The following SGCD variants were observed in gnomAD, a reference collection of about 807,000 sequenced individuals.
The protein encoded by SGCD is sarcoglycan delta, also known as delta-sarcoglycan.
A neutral mutation model predicts 36.6 loss-of-function variants in SGCD; 18 were observed. That is an observed-to-expected ratio of 0.49 (90% confidence interval 0.34 to 0.73). SGCD has a LOEUF of 0.73. SGCD is among the 30% of genes least tolerant of loss of function. SGCD has a pLI of 0.01. For missense variants in SGCD, 387 were observed against 346.7 expected, an observed-to-expected ratio of 1.12 and a Z score of -0.92; for synonymous variants, 133 against 130.6, an observed-to-expected ratio of 1.02 and a Z score of -0.12.
rs148183101 is a variant in SGCD at position 156,540,809 on chromosome 5, A to G, written c.294+32107A>G. 4.5e-3 allele frequency among the ~76,000 whole-genome samples: 679 copies of G among 152,272 alleles called. 1 individual carries two copies. Among genetic ancestry groups the G allele is most frequent in the African/African-American group, 0.016 (654 of 41,558 alleles). On this transcript the variant is annotated intron_variant, in intron 4 of 8. Coordinates refer to ENST00000337851, the MANE Select transcript of SGCD (RefSeq NM_000337.6). ...TCCTGATTGATTTTGATGGCAGGCA[A>G]TTGACCACTTTTCCCACAAAGATGT...
rs182501091 is a variant in SGCD, at chr5:156,576,383, A to G, written c.295-12848A>G. 2.1e-4 allele frequency among the ~76,000 whole-genome samples: 32 copies of G among 152,316 alleles called. No individual in the cohort carries two copies. In the East Asian group the frequency reaches 4.2e-3, roughly 20 times the overall value. On this transcript the variant is annotated intron_variant, in intron 4 of 8. Transcript: ENST00000337851. ...TATTGTGAATAGTGCCGCAATAAAC[A>G]TACATGTGCGTGTGTCTTTATAGTA...
chr5:156,207,783 C>T (rs777810088), intron 3 of SGCD, among the ~76,000 whole-genome samples: 1 of 151,952 alleles, frequency 6.6e-6, no homozygotes, highest in Non-Finnish European at 1.5e-5. Context: ...AACAAGTGTT[C>T]TTTATCTACA....
At chr5:156,735,980 G>C (rs544123367) in intron 7 of SGCD, among the ~76,000 whole-genome samples, 7 of 152,320 alleles carry the variant, frequency 4.6e-5, no homozygotes, top group African/African-American at 1.7e-4. Flanking sequence ...GGGTTGCAAA[G>C]ATCCATGGGA....
At chr5:156,417,454 A>G (rs1227983159) in intron 3 of SGCD, among the ~76,000 whole-genome samples, 1 of 152,150 alleles carries the variant, frequency 6.6e-6, no homozygotes, top group Non-Finnish European at 1.5e-5. Context: ...ATTTTTAGAG[A>G]AAGACTTGAG....
intron 1 of SGCD, among the ~76,000 whole-genome samples, chr5:155,911,293 A>ATGTGTG (rs371986965): frequency 0.043 from 6,123 of 141,492 alleles, 164 homozygotes; most frequent in African/African-American, 0.066. Flanking sequence ...AGTATAGTAT[A>ATGTGTG]TGTGTGTGTG....
intron 3 of SGCD, among the ~76,000 whole-genome samples, chr5:156,259,495 G>A (rs1297000120): frequency 6.6e-6 from 1 of 150,738 alleles, no homozygotes; most frequent in African/African-American, 2.4e-5. Flanking sequence ...TTCCTTTATG[G>A]TTTCTATGTT....
intron 3 of SGCD, among the ~76,000 whole-genome samples, chr5:156,468,919 G>C (rs1342466412): frequency 1.3e-5 from 2 of 152,170 alleles, no homozygotes; most frequent in African/African-American, 4.8e-5. Context: ...TTGAACCTGG[G>C]AGGCAGAGGT....
chr5:156,268,457 A>G (rs1047152455), intron 3 of SGCD, among the ~76,000 whole-genome samples: 2 of 152,186 alleles, frequency 1.3e-5, no homozygotes. Flanking sequence ...ATAGTGTATA[A>G]GTGTTCCCTT....
At chr5:155,996,587 G>T (rs113797704) in intron 1 of SGCD, among the ~76,000 whole-genome samples, 1 of 151,986 alleles carries the variant, frequency 6.6e-6, no homozygotes, top group African/African-American at 2.4e-5. Flanking sequence ...AGACCAGCCC[G>T]GGCAACTTGG....
intron 1 of SGCD, among the ~76,000 whole-genome samples, chr5:156,040,041 A>G (rs1315831189): frequency 6.6e-6 from 1 of 152,164 alleles, no homozygotes; most frequent in Non-Finnish European, 1.5e-5. Context: ...GCTCCAAGAC[A>G]ATGGAGATTA....
chr5:155,836,214 T>C, the SGCD span, among the ~76,000 whole-genome samples: 1 of 152,290 alleles, frequency 6.6e-6, no homozygotes, highest in African/African-American at 2.4e-5. Flanking sequence ...ATGGGGTCTG[T>C]CCACCATTGA....
chr5:156,119,653 C>A (rs1315105309), intron 2 of SGCD, among the ~76,000 whole-genome samples: 1 of 152,070 alleles, frequency 6.6e-6, no homozygotes, highest in Non-Finnish European at 1.5e-5. Context: ...CACACTTCTG[C>A]TCAAAAATCT....
intron 4 of SGCD, among the ~76,000 whole-genome samples, chr5:156,578,953 G>T (rs1459748360): frequency 6.6e-6 from 1 of 152,130 alleles, no homozygotes; most frequent in African/African-American, 2.4e-5. Flanking sequence ...CTTGCCTTCT[G>T]CTAACTTTTG....
In SGCD at chr5:156,760,168, A is replaced by C. The variant is rs931702101; in HGVS notation, c.*778A>C. ...CAAAATAAGATAACAGCTGTTCCTC[A>C]GTGAGCTGGAAGCTACTTAATGGCC... On this transcript the variant is annotated 3_prime_UTR_variant, in exon 9 of 9. Coordinates refer to ENST00000337851, the MANE Select transcript of SGCD (RefSeq NM_000337.6). 1.3e-5 allele frequency: 2 copies of C among 152,346 alleles called. No homozygotes were observed. Among genetic ancestry groups the C allele is most frequent in the East Asian group, 3.9e-4 (2 of 5,188 alleles). 9.4% of individuals were successfully genotyped at this position (152,346 alleles called of 1,614,324 possible). A position where few individuals can be genotyped will look rare whatever the true frequency, so the allele number is the denominator to read the frequency against.
At chr5:156,072,802 C>T (rs551986144) in intron 1 of SGCD, among the ~76,000 whole-genome samples, 168 of 152,194 alleles carry the variant, frequency 1.1e-3, no homozygotes, top group South Asian at 8.9e-3. Flanking sequence ...TCACATAGTC[C>T]CATATTTCTT....
the SGCD span, among the ~76,000 whole-genome samples, chr5:155,767,982 A>T: frequency 6.6e-6 from 1 of 152,196 alleles, no homozygotes; most frequent in Non-Finnish European, 1.5e-5. Flanking sequence ...AATTGTATAG[A>T]GAGAATTTTA....
chr5:156,372,005 G>A (rs79448192), intron 3 of SGCD, among the ~76,000 whole-genome samples: 5,196 of 152,200 alleles, frequency 0.034, 233 homozygotes, highest in African/African-American at 0.097. Flanking sequence ...CTCTAAAAAG[G>A]CACTGCATTT....
At chr5:155,952,215 G>T (rs1236733064) in intron 1 of SGCD, among the ~76,000 whole-genome samples, 1 of 152,078 alleles carries the variant, frequency 6.6e-6, no homozygotes, top group Non-Finnish European at 1.5e-5. Flanking sequence ...GGGTAGCAGT[G>T]CTTCTGAGAG....
At chr5:156,395,580 G>A (rs536556592) in intron 3 of SGCD, among the ~76,000 whole-genome samples, 2 of 152,224 alleles carry the variant, frequency 1.3e-5, no homozygotes, top group African/African-American at 4.8e-5. Context: ...TTTTATATAC[G>A]GTCTGGCCAT....
Sources: gnomAD v4.1 joint callset for allele counts (sites outside exome capture counted in the v4.1 genomes callset) on GRCh38, gnomAD v4.1.1 for gene constraint, MANE v1.5 for transcripts, NCBI Gene and HGNC (gene_info 2026-07-23, HGNC 2026-07-21) for gene names.